Variants in EPB41L2 observed in about 807,000 individuals in gnomAD.
EPB41L2 encodes erythrocyte membrane protein band 4.1 like 2.
In EPB41L2, 43 loss-of-function variants were observed where a neutral mutation model predicts 113.0. That is an observed-to-expected ratio of 0.38 (90% confidence interval 0.30 to 0.49). The LOEUF (loss-of-function observed/expected upper bound fraction) is 0.49. Ranked by LOEUF, EPB41L2 falls within the 20% of genes least tolerant of loss-of-function variation. EPB41L2 has a pLI of 0.95. For missense variants in EPB41L2, 1,147 were observed against 1,223.4 expected, an observed-to-expected ratio of 0.94 and a Z score of 0.93; for synonymous variants, 442 against 436.7, an observed-to-expected ratio of 1.01 and a Z score of -0.15.
intron 15 of EPB41L2, 96 bp from the exon 16 acceptor site, chr6:130,867,677 A>C: frequency 6.9e-7 from 1 of 1,439,180 alleles, no homozygotes; most frequent in Admixed American, 1.8e-5. Flanking sequence ...AACATATCCA[A>C]ACACACACTC....
At position 130,950,371 on chromosome 6, in the gene EPB41L2, A is replaced by T. The variant is rs145996000; in HGVS notation, c.705+4734T>A. Among the ~76,000 whole-genome samples, 505 of 152,322 alleles carry T rather than the reference A, an allele frequency of 3.3e-3. 3 individuals carry two copies. Among genetic ancestry groups the T allele is most frequent in the African/African-American group, 0.012 (488 of 41,564 alleles). ...AAGGCAAACGACACTAGAAATAAGA[A>T]ATAAAAATCAAATGCACAAAACAAG... On this transcript the variant is annotated intron_variant, in intron 3 of 19. Coordinates refer to ENST00000337057, the MANE Select transcript of EPB41L2 (RefSeq NM_001431.4).
chr6:130,898,528 C>T (rs1305958767), intron 8 of EPB41L2, among the ~76,000 whole-genome samples: 1 of 152,116 alleles, frequency 6.6e-6, no homozygotes, highest in East Asian at 1.9e-4. Context: ...TCGACTCTCC[C>T]CACTACATAA....
At chr6:131,018,828 T>C (rs1788827688) in intron 1 of EPB41L2, among the ~76,000 whole-genome samples, 1 of 152,214 alleles carries the variant, frequency 6.6e-6, no homozygotes. Context: ...GCTCCTATAG[T>C]GTAACAAGCT....
chr6:131,028,954 A>G (rs1329797852), intron 1 of EPB41L2, among the ~76,000 whole-genome samples: 3 of 152,178 alleles, frequency 2.0e-5, no homozygotes, highest in Non-Finnish European at 2.9e-5. Flanking sequence ...GAATAGCCAG[A>G]TTACTAAGGG....
rs779781692 is a variant in EPB41L2, at chr6:130,870,370, G to A, written c.2044-244C>T. 43 of 1,550,406 alleles carry A rather than the reference G, an allele frequency of 2.8e-5. 1 individual carries two copies. Among genetic ancestry groups the A allele is most frequent in the Middle Eastern group, 1.7e-4 (1 of 6,014 alleles). On this transcript the variant is annotated intron_variant, in intron 14 of 19. Coordinates refer to ENST00000337057, the MANE Select transcript of EPB41L2 (RefSeq NM_001431.4). ...CTCCAGTGCAAGGCCCTTCTGACTC[G>A]GGAGCACGTGTCTGCAGAACAAAAA...
rs190491025 is a variant in EPB41L2 at position 131,029,476 on chromosome 6, T to G, written c.-15+33679A>C. Among the ~76,000 whole-genome samples the G allele has an allele frequency of 4.6e-5, 7 of 151,654 alleles. No individual in the cohort carries two copies. In the East Asian group the frequency reaches 7.7e-4, roughly 17 times the overall value. ...CCTGGCTAAATAGCACATTAATAAC[T>G]GTCCTTTCAGAAGCTATACTTACAT... On this transcript the variant is annotated intron_variant, in intron 1 of 19. Transcript: ENST00000337057.
chr6:130,989,169 A>T (rs373419966), intron 1 of EPB41L2, among the ~76,000 whole-genome samples: 37 of 152,296 alleles, frequency 2.4e-4, no homozygotes, highest in African/African-American at 8.9e-4. Context: ...CATTCAGCAA[A>T]TAACTATTGA....
At chr6:130,852,444 T>G (rs1307441089) in intron 19 of EPB41L2, among the ~76,000 whole-genome samples, 1 of 152,180 alleles carries the variant, frequency 6.6e-6, no homozygotes, top group Admixed American at 6.5e-5. Flanking sequence ...AATACACCTT[T>G]GCTTTAAGGT....
At chr6:130,876,284 T>C (rs529380684) in intron 14 of EPB41L2, among the ~76,000 whole-genome samples, 2 of 152,338 alleles carry the variant, frequency 1.3e-5, no homozygotes, top group South Asian at 2.1e-4. Flanking sequence ...GGTTTCCATA[T>C]GTAATTAGTA....
intron 1 of EPB41L2, among the ~76,000 whole-genome samples, chr6:130,989,854 ATTTG>A (rs1781420876): frequency 6.6e-6 from 1 of 152,218 alleles, no homozygotes; most frequent in African/African-American, 2.4e-5. Context: ...GGCCAAAGAC[ATTTG>A]GGAATTAAGA....
At chr6:131,003,531 A>C (rs1784814776) in intron 1 of EPB41L2, among the ~76,000 whole-genome samples, 1 of 152,216 alleles carries the variant, frequency 6.6e-6, no homozygotes. Context: ...GAAAGGGCAA[A>C]ACCACAGTTT....
chr6:131,060,705 A>C (rs1436702150), intron 1 of EPB41L2, among the ~76,000 whole-genome samples: 5 of 152,240 alleles, frequency 3.3e-5, no homozygotes, highest in African/African-American at 1.2e-4. Flanking sequence ...CGTTAAGAAC[A>C]GGTATGAAAG....
At chr6:131,006,834 T>C (rs970463776) in intron 1 of EPB41L2, among the ~76,000 whole-genome samples, 1 of 152,128 alleles carries the variant, frequency 6.6e-6, no homozygotes, top group Admixed American at 6.5e-5. Context: ...AATATCTATC[T>C]TTCCAGCTCA....
At chr6:130,940,834 C>A (rs1810587914) in intron 3 of EPB41L2, among the ~76,000 whole-genome samples, 1 of 152,090 alleles carries the variant, frequency 6.6e-6, no homozygotes, top group Non-Finnish European at 1.5e-5. Flanking sequence ...CCGACTCCAG[C>A]CTATAGTAAC....
In EPB41L2 at chr6:130,858,136, T is replaced by C; in HGVS notation, c.3018A>G (p.Ter1006=). The C allele has an allele frequency of 1.2e-6, 2 of 1,612,906 alleles. No homozygotes were observed. The highest frequency in any genetic ancestry group is 4.5e-5 in the East Asian group (2 of 44,860). The change falls in exon 19 of 20, where the codon TAA becomes TAG. Residue 1006 remains the stop codon, a stop_retained_variant. Transcript: ENST00000337057. ...ETELAEEGED[*] The stretch of plus-strand genomic sequence containing the variant: ...GACAATGAGGGCTCTCTTACCTTAC[T>C]TAATCTTCCCCTTCCTCAGCCAACT...
chr6:130,931,446 T>C (rs541552475), intron 3 of EPB41L2, among the ~76,000 whole-genome samples: 1 of 152,304 alleles, frequency 6.6e-6, no homozygotes, highest in African/African-American at 2.4e-5. Context: ...AGATGTGCTT[T>C]GGAGGCTTAT....
intron 3 of EPB41L2, among the ~76,000 whole-genome samples, chr6:130,933,279 C>T (rs1188520526): frequency 6.6e-6 from 1 of 152,196 alleles, no homozygotes; most frequent in Non-Finnish European, 1.5e-5. Context: ...GAGTCAATCT[C>T]TATTCTAATA....
At chr6:131,044,743 G>A (rs1192339006) in intron 1 of EPB41L2, among the ~76,000 whole-genome samples, 1 of 152,070 alleles carries the variant, frequency 6.6e-6, no homozygotes, top group Non-Finnish European at 1.5e-5. Context: ...AAGTTCCTCT[G>A]CTACCAGGCA....
intron 1 of EPB41L2, among the ~76,000 whole-genome samples, chr6:131,001,297 G>A (rs761953336): frequency 6.7e-6 from 1 of 150,242 alleles, no homozygotes; most frequent in Non-Finnish European, 1.5e-5. Flanking sequence ...ACAAGCAGCT[G>A]AGAGAGAGCA....
Sources: allele counts gnomAD v4.1 joint callset (sites outside exome capture counted in the v4.1 genomes callset), GRCh38; gene constraint gnomAD v4.1.1; transcripts MANE v1.5; gene names NCBI Gene and HGNC (gene_info 2026-07-23, HGNC 2026-07-21).